Variants in CEP63 observed in about 807,000 individuals in gnomAD.
The protein encoded by CEP63 is centrosomal protein of 63 kDa.
In CEP63, 84 loss-of-function variants were observed where a neutral mutation model predicts 89.1. The observed-to-expected ratio is 0.94, with a 90% CI of 0.79 to 1.13. The LOEUF (loss-of-function observed/expected upper bound fraction) is 1.13. CEP63 is among the 50% of genes most tolerant of loss of function. The pLI, the probability that CEP63 is intolerant of heterozygous loss-of-function variation, is 0.00. For missense variants in CEP63, 838 were observed against 813.3 expected, an observed-to-expected ratio of 1.03 and a Z score of -0.37; for synonymous variants, 267 against 272.5, an observed-to-expected ratio of 0.98 and a Z score of 0.20.
At chr3:134,619,269 T>C in the CEP63 span, 9 of 1,608,114 alleles carry the variant, frequency 5.6e-6, no homozygotes, top group Non-Finnish European at 7.7e-6. Flanking sequence ...TCATACTCTA[T>C]AGGGCAGGTG....
the CEP63 span, among the ~76,000 whole-genome samples, chr3:134,744,085 G>A: frequency 6.6e-6 from 1 of 152,098 alleles, no homozygotes; most frequent in Non-Finnish European, 1.5e-5. Flanking sequence ...CACTTTTATT[G>A]GGTTCAGAAT....
the CEP63 span, among the ~76,000 whole-genome samples, chr3:134,602,824 G>C: frequency 5.3e-5 from 8 of 152,332 alleles, no homozygotes; most frequent in East Asian, 1.5e-3. Flanking sequence ...TCTGCCGACA[G>C]TGTCCCTCCC....
the CEP63 span, among the ~76,000 whole-genome samples, chr3:134,634,433 G>A: frequency 2.0e-5 from 3 of 152,122 alleles, no homozygotes; most frequent in African/African-American, 4.8e-5. Context: ...ATAAAAAATA[G>A]ACTCACACAA....
chr3:134,501,765 C>A (rs1326284027), intron 2 of CEP63, among the ~76,000 whole-genome samples: 3 of 152,142 alleles, frequency 2.0e-5, no homozygotes, highest in African/African-American at 7.2e-5. Flanking sequence ...AGAATCATAT[C>A]ATCAGCAAAG....
the CEP63 span, chr3:134,627,927 C>T: frequency 3.7e-6 from 3 of 802,668 alleles, no homozygotes; most frequent in Admixed American, 6.1e-5. Flanking sequence ...CCTCTTTACT[C>T]TCCTTTTCAC....
chr3:134,745,351 G>T, the CEP63 span, among the ~76,000 whole-genome samples: 3 of 152,132 alleles, frequency 2.0e-5, no homozygotes, highest in East Asian at 5.8e-4. Flanking sequence ...ATTCCAACCT[G>T]TTCATCTTGT....
the CEP63 span, among the ~76,000 whole-genome samples, chr3:134,755,457 C>A: frequency 6.6e-6 from 1 of 152,220 alleles, no homozygotes; most frequent in African/African-American, 2.4e-5. Flanking sequence ...GCACAGGGCA[C>A]TTTGGCTCTA....
chr3:134,698,780 T>C, the CEP63 span, among the ~76,000 whole-genome samples: 3 of 152,206 alleles, frequency 2.0e-5, no homozygotes, highest in South Asian at 6.2e-4. Flanking sequence ...GAAAAGACTT[T>C]CTATGTCTTT....
At chr3:134,608,482 C>G in the CEP63 span, 1 of 1,538,648 alleles carries the variant, frequency 6.5e-7, no homozygotes, top group Non-Finnish European at 8.7e-7. Flanking sequence ...TGGGCTGCCT[C>G]AGCAGCCTCC....
the CEP63 span, among the ~76,000 whole-genome samples, chr3:134,673,578 G>T: frequency 6.6e-6 from 1 of 152,242 alleles, no homozygotes; most frequent in Non-Finnish European, 1.5e-5. Context: ...CCGCCCTGAG[G>T]GTCAGGACCT....
chr3:134,564,714 G>C lies in CEP63; in HGVS notation c.*3179G>C, dbSNP rs1957654847. 1 of 985,362 alleles carries C rather than the reference G, an allele frequency of 1.0e-6. No homozygotes were observed. Among genetic ancestry groups the C allele is most frequent in the Non-Finnish European group, 1.2e-6 (1 of 829,898 alleles). The allele number at this position is 985,362 out of a possible 1,614,324, so 61.0% of individuals were successfully genotyped here. A position where few individuals can be genotyped will look rare whatever the true frequency, so the allele number is the denominator to read the frequency against. On this transcript the variant is annotated 3_prime_UTR_variant, in exon 15 of 15. Coordinates refer to ENST00000675561, the MANE Select transcript of CEP63 (RefSeq NM_001353108.3). ...TTTAAGTACTGTACCTATGTGCATT[G>C]CTGTTACATTCAGGAGATTTCTGAG...
At chr3:134,733,641 G>A in the CEP63 span, among the ~76,000 whole-genome samples, 91 of 152,284 alleles carry the variant, frequency 6.0e-4, no homozygotes, top group African/African-American at 2.0e-3. Context: ...AACGCCATGT[G>A]CCAGTGGAGG....
At chr3:134,542,533 A>G (rs529663458) in intron 6 of CEP63, among the ~76,000 whole-genome samples, 3 of 152,312 alleles carry the variant, frequency 2.0e-5, no homozygotes, top group South Asian at 2.1e-4. Flanking sequence ...GGAGCTTGGT[A>G]AGGGATTGAT....
chr3:134,571,942 C>A (rs1958026722), intron 11 of CEP63, among the ~76,000 whole-genome samples: 2 of 152,114 alleles, frequency 1.3e-5, no homozygotes, highest in Admixed American at 1.3e-4. Flanking sequence ...TCTGTGATTT[C>A]TATTGGAATA....
chr3:134,606,140 C>T, the CEP63 span, among the ~76,000 whole-genome samples: 27 of 152,290 alleles, frequency 1.8e-4, no homozygotes, highest in Non-Finnish European at 2.9e-4. Context: ...TCACTGCTCA[C>T]GGCCCCTGGT....
downstream of CEP63, among the ~76,000 whole-genome samples, chr3:134,589,855 C>G (rs1189491065): frequency 6.6e-6 from 1 of 152,172 alleles, no homozygotes; most frequent in Non-Finnish European, 1.5e-5. Flanking sequence ...CCTAAATACT[C>G]ATCAATGGTA....
the CEP63 span, among the ~76,000 whole-genome samples, chr3:134,700,447 C>T: frequency 2.6e-5 from 4 of 152,190 alleles, no homozygotes; most frequent in East Asian, 1.9e-4. Context: ...TGAAAAACAG[C>T]AGGTTCCTAT....
chr3:134,571,533 T>C (rs1043400441), intron 11 of CEP63, among the ~76,000 whole-genome samples: 5 of 152,170 alleles, frequency 3.3e-5, no homozygotes, highest in Admixed American at 6.5e-5. Flanking sequence ...TACAAAAAAT[T>C]AGCTGGGCAT....
chr3:134,764,090 C>T, the CEP63 span, among the ~76,000 whole-genome samples: 1 of 152,212 alleles, frequency 6.6e-6, no homozygotes, highest in African/African-American at 2.4e-5. Context: ...TATGGTAGAA[C>T]TATAGGCTGT....
Sources: gnomAD v4.1 joint callset for allele counts (sites outside exome capture counted in the v4.1 genomes callset) on GRCh38, gnomAD v4.1.1 for gene constraint, MANE v1.5 for transcripts, NCBI Gene and HGNC (gene_info 2026-07-23, HGNC 2026-07-21) for gene names.